ZNF385D: variants seen among roughly 807,000 people sequenced by gnomAD.
The protein encoded by ZNF385D is zinc finger protein 659.
A neutral mutation model predicts 35.8 loss-of-function variants in ZNF385D; 15 were observed. The observed-to-expected ratio is 0.42, with a 90% CI of 0.28 to 0.64. The LOEUF (loss-of-function observed/expected upper bound fraction) is 0.64. Ranked by LOEUF, ZNF385D falls within the 30% of genes least tolerant of loss-of-function variation. The pLI, the probability that ZNF385D is intolerant of heterozygous loss-of-function variation, is 0.23. For synonymous variants in ZNF385D, 212 were observed against 186.8 expected (o/e 1.13, Z -1.10); for missense variants, 474 against 494.6 (o/e 0.96, Z 0.39).
chr3:21,933,280 G>A (rs554298841), intron 3 of ZNF385D, among the ~76,000 whole-genome samples: 2 of 152,258 alleles, frequency 1.3e-5, no homozygotes, highest in South Asian at 4.1e-4. Context: ...GAGTTGCAAA[G>A]GTTCATCACA....
chr3:21,977,886 A>C (rs535372158), intron 3 of ZNF385D, among the ~76,000 whole-genome samples: 1 of 152,080 alleles, frequency 6.6e-6, no homozygotes, highest in Non-Finnish European at 1.5e-5. Flanking sequence ...AGCTCTGTAC[A>C]TCTTTGGAGA....
intron 3 of ZNF385D, among the ~76,000 whole-genome samples, chr3:22,125,240 T>G (rs2125674250): frequency 6.6e-6 from 1 of 152,240 alleles, no homozygotes; most frequent in African/African-American, 2.4e-5. Context: ...TATAAATTTA[T>G]TTCTTGTTTC....
At chr3:21,455,329 C>T (rs1702729685) in intron 4 of ZNF385D, among the ~76,000 whole-genome samples, 2 of 152,184 alleles carry the variant, frequency 1.3e-5, no homozygotes, top group African/African-American at 4.8e-5. Flanking sequence ...TACCTGACTT[C>T]AAACTATACT....
Position 22,269,729 on chromosome 3 carries a change from T to C in ZNF385D, c.107-100694A>G, listed in dbSNP as rs558732550. ...TCATTCTCTTTTTTTGGGGGGAGGG[T>C]AGGTAAAGAACAGTTAATATAACCT... On this transcript the variant is annotated intron_variant, in intron 2 of 5. Coordinates refer to the ZNF385D transcript ENST00000494108. 4.0e-5 allele frequency among the ~76,000 whole-genome samples: 6 copies of C among 151,726 alleles called. No individual in the cohort carries two copies. The East Asian group carries it at 9.8e-4, about 25-fold the overall frequency.
At chr3:22,151,101 ATG>A (rs1705201876) in intron 3 of ZNF385D, among the ~76,000 whole-genome samples, 1 of 152,144 alleles carries the variant, frequency 6.6e-6, no homozygotes, top group South Asian at 2.1e-4. Flanking sequence ...TCAACTCTGG[ATG>A]TGTCTTCCCT....
At chr3:21,836,791 A>T (rs1232011890) in intron 3 of ZNF385D, among the ~76,000 whole-genome samples, 1 of 152,070 alleles carries the variant, frequency 6.6e-6, no homozygotes, top group East Asian at 1.9e-4. Context: ...AAATGTAAAA[A>T]ACATTCTCGG....
intron 2 of ZNF385D, among the ~76,000 whole-genome samples, chr3:21,580,402 A>C (rs911438671): frequency 6.6e-6 from 1 of 152,230 alleles, no homozygotes; most frequent in Non-Finnish European, 1.5e-5. Context: ...GAAATGTCAC[A>C]AAATTAAAGT....
chr3:21,453,980 TGTA>T (rs149949828), intron 4 of ZNF385D, among the ~76,000 whole-genome samples: 1 of 152,206 alleles, frequency 6.6e-6, no homozygotes, highest in East Asian at 1.9e-4. Context: ...ATAAATAAAA[TGTA>T]GTATTTCTAT....
intron 5 of ZNF385D, among the ~76,000 whole-genome samples, chr3:21,428,520 T>C (rs929258526): frequency 1.3e-5 from 2 of 152,120 alleles, no homozygotes; most frequent in Non-Finnish European, 2.9e-5. Flanking sequence ...TACTGTCTTT[T>C]CTAAACTTGG....
chr3:21,946,120 C>T lies in ZNF385D; in HGVS notation c.325+222697G>A, dbSNP rs115921568. On this transcript the variant is annotated intron_variant, in intron 3 of 5. Coordinates refer to the ZNF385D transcript ENST00000494108. ...TATCTATTTCTCCAAAGTCATACAC[C>T]GGTGAACCACAAAATTAGGATCTTC... Among the ~76,000 whole-genome samples the T allele has an allele frequency of 2.4e-3, 363 of 152,220 alleles. 3 individuals are homozygous for T. The highest frequency in any genetic ancestry group is 7.9e-3 in the African/African-American group (327 of 41,534).
At chr3:22,122,633 G>C (rs1703150748) in intron 3 of ZNF385D, among the ~76,000 whole-genome samples, 1 of 152,086 alleles carries the variant, frequency 6.6e-6, no homozygotes, top group Non-Finnish European at 1.5e-5. Context: ...GTGTCATATA[G>C]GGTTTCTTGA....
At chr3:21,516,926 A>C (rs1188664427) in intron 3 of ZNF385D, among the ~76,000 whole-genome samples, 2 of 152,146 alleles carry the variant, frequency 1.3e-5, no homozygotes, top group East Asian at 1.9e-4. Flanking sequence ...TGGGGAAAGA[A>C]GAGAACATTT....
intron 3 of ZNF385D, among the ~76,000 whole-genome samples, chr3:21,968,500 C>T (rs1703039730): frequency 6.8e-6 from 1 of 147,504 alleles, no homozygotes; most frequent in African/African-American, 2.6e-5. Context: ...AGTCCTAGAG[C>T]CTCATTCCTT....
At chr3:21,463,325 T>C (rs926128919) in intron 4 of ZNF385D, among the ~76,000 whole-genome samples, 1 of 152,188 alleles carries the variant, frequency 6.6e-6, no homozygotes, top group African/African-American at 2.4e-5. Flanking sequence ...AGGAAGTCTA[T>C]GGGATTGACA....
intron 1 of ZNF385D, among the ~76,000 whole-genome samples, chr3:21,685,472 T>C (rs1400883182): frequency 6.6e-6 from 1 of 152,226 alleles, no homozygotes; most frequent in Non-Finnish European, 1.5e-5. Flanking sequence ...CTCTCTTTTT[T>C]ACATCTACAT....
At chr3:21,958,489 T>A (rs1049681532) in intron 3 of ZNF385D, among the ~76,000 whole-genome samples, 1 of 152,106 alleles carries the variant, frequency 6.6e-6, no homozygotes, top group Non-Finnish European at 1.5e-5. Context: ...GCTGGGAACA[T>A]GTTACGGGAT....
Position 21,436,481 on chromosome 3 carries a change from T to A in ZNF385D, c.673+489A>T, listed in dbSNP as rs111570910. Among the ~76,000 whole-genome samples, 268 of 152,176 alleles carry A rather than the reference T, an allele frequency of 1.8e-3. 1 individual carries two copies. Among genetic ancestry groups the A allele is most frequent in the Middle Eastern group, 6.8e-3 (2 of 294 alleles). On this transcript the variant is annotated intron_variant, in intron 5 of 7. Coordinates refer to ENST00000281523, the MANE Select transcript of ZNF385D (RefSeq NM_024697.3). ...TAGAAATCACATCTGAATGGGCACATAATAAACACTTTTTTAATTGTCCAG... is the reference window on the plus strand; with the variant it reads ...TAGAAATCACATCTGAATGGGCACAAAATAAACACTTTTTTAATTGTCCAG...
chr3:21,497,255 A>G (rs1441024412), intron 4 of ZNF385D, among the ~76,000 whole-genome samples: 1 of 152,180 alleles, frequency 6.6e-6, no homozygotes, highest in Non-Finnish European at 1.5e-5. Context: ...CACACAAACA[A>G]CATCCAAGCT....
chr3:22,058,685 A>T (rs1195264302), intron 3 of ZNF385D, among the ~76,000 whole-genome samples: 1 of 152,232 alleles, frequency 6.6e-6, no homozygotes, highest in Admixed American at 6.5e-5. Context: ...TTTTGTTTAT[A>T]TTTTAAAATA....
Sources: allele counts gnomAD v4.1 joint callset (sites outside exome capture counted in the v4.1 genomes callset), GRCh38; gene constraint gnomAD v4.1.1; transcripts MANE v1.5; gene names NCBI Gene and HGNC (gene_info 2026-07-23, HGNC 2026-07-21).